The following OPA1 variants were observed in gnomAD, a reference collection of about 807,000 sequenced individuals.
OPA1 encodes OPA1 mitochondrial dynamin like GTPase, also known as dynamin-like GTPase OPA1, mitochondrial.
OPA1 carries 59 observed loss-of-function variants against 152.9 expected under a neutral mutation model. The ratio of observed to expected loss-of-function variants is 0.39; its 90% CI spans 0.31 to 0.48. The LOEUF (loss-of-function observed/expected upper bound fraction) is 0.48, where lower values mean the gene tolerates loss of function less well. Ranked by LOEUF, OPA1 falls within the 20% of genes least tolerant of loss-of-function variation. The pLI, the probability that OPA1 is intolerant of heterozygous loss-of-function variation, is 0.96. For synonymous variants in OPA1, 400 were observed against 389.9 expected, an observed-to-expected ratio of 1.03 and a Z score of -0.31; for missense variants, 1,008 against 1,216.8, an observed-to-expected ratio of 0.83 and a Z score of 2.55.
intron 11 of OPA1, 33 bp downstream of exon 11, chr3:193,638,098 T>C (rs777526503): frequency 2.0e-6 from 3 of 1,484,118 alleles, no homozygotes; most frequent in Non-Finnish European, 2.8e-6. Context: ...TGAGGTTCCT[T>C]AGGAGAGTAA....
At chr3:193,686,812 C>T (rs987983822) in intron 29 of OPA1, among the ~76,000 whole-genome samples, 2 of 152,184 alleles carry the variant, frequency 1.3e-5, no homozygotes, top group East Asian at 1.9e-4. Context: ...AAGCTTAACA[C>T]CAAGTGCTCA....
chr3:193,623,467 T>G (rs533165488), intron 6 of OPA1, among the ~76,000 whole-genome samples: 1 of 152,000 alleles, frequency 6.6e-6, no homozygotes, highest in African/African-American at 2.4e-5. Context: ...AAACAGGACT[T>G]TGTACGTGAA....
At chr3:193,637,902 T>C (rs759448465) in intron 10 of OPA1, 50 bp from the exon 11 acceptor site, 3 of 1,429,642 alleles carry the variant, frequency 2.1e-6, no homozygotes, top group Non-Finnish European at 3.0e-6. Context: ...GTTTTAATTT[T>C]AATTTGGTAT....
At chr3:193,617,739 G>A (rs752128656) in intron 4 of OPA1, 45 bp from the exon 5 acceptor site, 1 of 1,438,622 alleles carries the variant, frequency 7.0e-7, no homozygotes, top group Non-Finnish European at 9.8e-7. Flanking sequence ...GCTCATTTCT[G>A]TTAAATTTTA....
At chr3:193,614,692 G>A in intron 1 of OPA1, 31 bp from the exon 2 acceptor site, 1 of 1,525,536 alleles carries the variant, frequency 6.6e-7, no homozygotes. Context: ...TACCCTCTCT[G>A]ATCTTTCTTC....
chr3:193,663,048 T>C (rs769979797), intron 26 of OPA1, 86 bp downstream of exon 26: 168 of 1,368,572 alleles, frequency 1.2e-4, no homozygotes, highest in Non-Finnish European at 1.6e-4. Flanking sequence ...TAGTTAGATA[T>C]TTAAGTGCTT....
intron 1 of OPA1, among the ~76,000 whole-genome samples, chr3:193,604,570 T>C (rs899053005): frequency 2.0e-5 from 3 of 152,114 alleles, no homozygotes; most frequent in African/African-American, 7.2e-5. Context: ...TTTTGAAAAT[T>C]GAAGTTTTGG....
At chr3:193,596,232 G>A (rs1725474430) in intron 1 of OPA1, among the ~76,000 whole-genome samples, 1 of 128,044 alleles carries the variant, frequency 7.8e-6, no homozygotes, top group African/African-American at 3.0e-5. Flanking sequence ...TTTATGTCCT[G>A]GGGAATTTCC....
rs1733985707 is a variant in OPA1, at chr3:193,642,833, C to T, written c.1218C>T (p.Thr406=). The T allele has an allele frequency of 1.9e-6, 3 of 1,612,314 alleles. No individual in the cohort carries two copies. The highest frequency in any genetic ancestry group is 1.7e-6 in the Non-Finnish European group (2 of 1,178,522). ...FKDSSREFDL[T]KEEDLAALRH... ...ATAGTTCTCGGGAGTTTGATCTTAC[C>T]AAAGAAGAAGATGTAAGTAAAATTC... Residue 406 remains threonine, a synonymous_variant, in exon 12 of 31, where the codon ACC becomes ACT. Transcript: ENST00000361510.
chr3:193,637,271 A>G lies in OPA1; in HGVS notation c.1025A>G (p.His342Arg), dbSNP rs1733093924. The G allele has an allele frequency of 1.9e-6, 3 of 1,604,646 alleles. No homozygotes were observed. The highest frequency in any genetic ancestry group is 2.2e-5 in the South Asian group (2 of 90,544). Reference protein sequence around the residue: ...DYDASYNTQDHLPRVVVVGDQ... With the variant: ...DYDASYNTQDRLPRVVVVGDQ... ...GATGCCAGTTATAATACGCAAGATC[A>G]TCTGCCACGGGTATGTGAAAAATTG... The change falls in exon 10 of 31, where the codon CAT (histidine) becomes CGT (arginine). Residue 342 changes from histidine (H) to arginine (R), a missense_variant. Physicochemically the swap from His to Arg is conservative, Grantham distance 29. This residue lies in a region of OPA1 where 9 missense variants were observed against 34.2 expected (regional missense o/e 0.26). Transcript: ENST00000361510.
chr3:193,637,052 G>T, intron 9 of OPA1, 143 bp from the exon 10 acceptor site: 1 of 513,006 alleles, frequency 1.9e-6, no homozygotes, highest in Non-Finnish European at 3.5e-6. Flanking sequence ...TTACGATGAA[G>T]ATGTATTTAT....
chr3:193,682,815 C>G (rs1207404289), intron 29 of OPA1, among the ~76,000 whole-genome samples: 1 of 152,174 alleles, frequency 6.6e-6, no homozygotes, highest in African/African-American at 2.4e-5. Context: ...AGCAAGAGTT[C>G]TGAGGGAGAT....
chr3:193,677,596 C>T (rs1021853346), intron 29 of OPA1, among the ~76,000 whole-genome samples: 1 of 152,082 alleles, frequency 6.6e-6, no homozygotes, highest in African/African-American at 2.4e-5. Context: ...TGGATTGATG[C>T]ACATGAAACT....
chr3:193,649,015 A>T, intron 21 of OPA1, 144 bp downstream of exon 21: 1 of 603,816 alleles, frequency 1.7e-6, no homozygotes, highest in South Asian at 1.9e-5. Context: ...TTTTGGCAAT[A>T]TCTAACTACT....
At chr3:193,615,603 T>C in intron 2 of OPA1, 71 bp from the exon 3 acceptor site, 1 of 885,582 alleles carries the variant, frequency 1.1e-6, no homozygotes, top group Non-Finnish European at 1.9e-6. Flanking sequence ...TGTGTTTTAA[T>C]TAAATAATTT....
chr3:193,600,580 A>G (rs1726307803), intron 1 of OPA1, among the ~76,000 whole-genome samples: 1 of 152,214 alleles, frequency 6.6e-6, no homozygotes, highest in African/African-American at 2.4e-5. Flanking sequence ...TAAGGTTCAG[A>G]CAATATAAGC....
At chr3:193,612,346 A>C (rs971828157) in intron 1 of OPA1, among the ~76,000 whole-genome samples, 3 of 144,678 alleles carry the variant, frequency 2.1e-5, no homozygotes, top group Admixed American at 7.1e-5. Context: ...GACTCAGAGT[A>C]TGTAGGTAGA....
At position 193,695,670 on chromosome 3, in the gene OPA1, A is replaced by G. The variant is rs1722190864; in HGVS notation, c.*1070A>G. 1 of 152,234 alleles carries G rather than the reference A, an allele frequency of 6.6e-6. No homozygotes were observed. The highest frequency in any genetic ancestry group is 1.5e-5 in the Non-Finnish European group (1 of 68,032). The allele number at this position is 152,234 out of a possible 1,614,324, so 9.4% of individuals were successfully genotyped here. A position where few individuals can be genotyped will look rare whatever the true frequency, so the allele number is the denominator to read the frequency against. ...TAATTGGCTAAAGGACATTCAAGCA[A>G]AGAAATGCTTTCTTTACTTAAAATG... On this transcript the variant is annotated 3_prime_UTR_variant, in exon 31 of 31. Transcript: ENST00000361510.
chr3:193,593,354 C>T lies in OPA1; in HGVS notation c.-24C>T. 6.5e-7 allele frequency: 1 copy of T among 1,543,356 alleles called. No individual in the cohort carries two copies. The highest frequency in any genetic ancestry group is 8.7e-7 in the Non-Finnish European group (1 of 1,143,200). On this transcript the variant is annotated 5_prime_UTR_variant, in exon 1 of 31. Transcript: ENST00000361510. ...GGCTCCCGCGTGGCCGTCTCGGCGC[C>T]TGCGTGACCTCCCCGCCGGCGGGAT... is the stretch of plus-strand genomic sequence containing the variant.
Sources: gnomAD v4.1 joint callset for allele counts (sites outside exome capture counted in the v4.1 genomes callset) on GRCh38, gnomAD v4.1.1 for gene constraint, gnomAD v4.1.1 regional missense constraint, MANE v1.5 for transcripts, NCBI Gene and HGNC (gene_info 2026-07-23, HGNC 2026-07-21) for gene names.